Variants in RLIM observed in about 807,000 individuals in gnomAD.
The protein encoded by RLIM is E3 ubiquitin-protein ligase RLIM.
In RLIM, 2 loss-of-function variants were observed where a neutral mutation model predicts 34.0. The observed-to-expected ratio is 0.06, with a 90% CI of 0.02 to 0.19. RLIM has a LOEUF of 0.19. Ranked by LOEUF, RLIM falls within the 10% of genes least tolerant of loss-of-function variation. The pLI is 1.00. For synonymous variants in RLIM, 169 were observed against 164.0 expected (o/e 1.03, Z -0.23); for missense variants, 286 against 479.7 (o/e 0.60, Z 3.77).
intron 3 of RLIM, 67 bp from the exon 4 acceptor site, chrX:74,593,128 T>C: frequency 9.3e-6 from 10 of 1,070,038 alleles, no homozygotes; most frequent in South Asian, 5.1e-5. Flanking sequence ...ATCATATAAG[T>C]GCTCTGAAAC....
Position 74,592,337 on chromosome X carries a change from T to C in RLIM, c.978A>G (p.Arg326=), listed in dbSNP as rs2079619774. The C allele has an allele frequency of 8.3e-7, 1 of 1,211,735 alleles. No individual in the cohort carries two copies. The highest frequency in any genetic ancestry group is 1.1e-6 in the Non-Finnish European group (1 of 895,548). The change falls in exon 4 of 4, where the codon AGA becomes AGG. Residue 326 remains arginine, a synonymous_variant. Transcript: ENST00000332687. ...GCCGATATTCTCCAGGACGAACTCT[T>C]CTTACTTGAAGATCAAGGACTATGG... ...PPTIVLDLQV[R]RVRPGEYRQR... is the part of the protein sequence containing the mutation.
chrX:74,610,340 C>T (rs1487678250), intron 1 of RLIM, among the ~76,000 whole-genome samples: 2 of 109,910 alleles, frequency 1.8e-5, no homozygotes, highest in African/African-American at 6.6e-5. Context: ...CCGCTTGAAC[C>T]CAGGAGGCGG....
intron 1 of RLIM, among the ~76,000 whole-genome samples, chrX:74,614,040 A>G (rs1341919383): frequency 9.1e-6 from 1 of 109,637 alleles, no homozygotes. Flanking sequence ...CGGGGAGGTC[A>G]GGGAAGCCTC....
In RLIM at chrX:74,586,036, C is replaced by T. The variant is rs186235851; in HGVS notation, c.*5404G>A. ...TTGCTGCCCTGTTCTTTGTATGAAT[C>T]CAAGTAAACAACTATACCAAAGCAG... On this transcript the variant is annotated 3_prime_UTR_variant, in exon 4 of 4. Transcript: ENST00000332687. 94 of 111,735 alleles carry T rather than the reference C, an allele frequency of 8.4e-4. 1 individual carries two copies. Among genetic ancestry groups the T allele is most frequent in the African/African-American group, 2.5e-3 (77 of 30,716 alleles). The allele number at this position is 111,735 out of a possible 1,213,427, so 9.2% of individuals were successfully genotyped here. A position where few individuals can be genotyped will look rare whatever the true frequency, so the allele number is the denominator to read the frequency against.
Position 74,592,092 on chromosome X carries a change from T to G in RLIM, c.1223A>C (p.Gln408Pro). 8.3e-7 allele frequency: 1 copy of G among 1,211,973 alleles called. No individual in the cohort carries two copies. Among genetic ancestry groups the G allele is most frequent in the Non-Finnish European group, 1.1e-6 (1 of 895,529 alleles). ...TAACTCACCAAAACCTGTCATTATC[T>G]GCCTTAACATGGTCTGAATTGCAAC... ...TSVAIQTMLR[Q>P]IMTGFGELSY... The change falls in exon 4 of 4, where the codon CAG becomes CCG. Residue 408 changes from glutamine to proline, a missense_variant. Around this residue, in one of 6 missense-constraint regions of RLIM, gnomAD observed 12 missense variants for 45.2 expected, o/e 0.27. Transcript: ENST00000332687.
intron 1 of RLIM, among the ~76,000 whole-genome samples, chrX:74,600,850 TA>T (rs1242204233): frequency 0.015 from 1,055 of 71,204 alleles, 18 homozygotes; most frequent in African/African-American, 0.046. Flanking sequence ...CATCTCTACT[TA>T]AAAAAAAAAA....
chrX:74,608,747 C>T (rs961179340), intron 1 of RLIM, among the ~76,000 whole-genome samples: 3 of 112,215 alleles, frequency 2.7e-5, no homozygotes, highest in African/African-American at 9.7e-5. Flanking sequence ...TACTAAAACG[C>T]TCTAAAACAG....
Position 74,592,401 on chromosome X carries a change from G to A in RLIM, c.914C>T (p.Ala305Val), listed in dbSNP as rs752329333. 2 of 1,211,498 alleles carry A rather than the reference G, an allele frequency of 1.7e-6. No individual in the cohort carries two copies. The highest frequency in any genetic ancestry group is 3.5e-5 in the South Asian group (2 of 56,952). ...TCCTGATCCTGTAGATTCACCACTG[G>A]CAGCTGTGTCTGAAGAACCTGCTCC... ...SQGAGSSDTA[A>V]SGESTGSGQR... The change falls in exon 4 of 4, where the codon GCC becomes GTC. Residue 305 changes from alanine (A) to valine (V), a missense_variant. Around this residue, in one of 6 missense-constraint regions of RLIM, gnomAD observed 121 missense variants for 182.4 expected, o/e 0.66. Coordinates refer to ENST00000332687, the MANE Select transcript of RLIM (RefSeq NM_016120.4).
At chrX:74,602,768 G>C (rs7892560) in intron 1 of RLIM, among the ~76,000 whole-genome samples, 6,450 of 110,345 alleles carry the variant, frequency 0.058, 275 homozygotes, top group African/African-American at 0.15. Flanking sequence ...TGAAACACGA[G>C]TGAGAAGCCT....
chrX:74,600,258 T>C (rs1307250102), intron 1 of RLIM, among the ~76,000 whole-genome samples: 2 of 108,412 alleles, frequency 1.8e-5, no homozygotes, highest in African/African-American at 6.7e-5. Context: ...CCAGCTTAAA[T>C]AAAACACGCA....
intron 1 of RLIM, among the ~76,000 whole-genome samples, chrX:74,613,662 G>C (rs2079722305): frequency 9.4e-6 from 1 of 106,701 alleles, no homozygotes; most frequent in African/African-American, 3.4e-5. Context: ...TTTAATGGGG[G>C]AGGGATTGAG....
Position 74,590,207 on chromosome X carries a change from T to G in RLIM, c.*1233A>C, listed in dbSNP as rs1287478148. 1 of 111,967 alleles carries G rather than the reference T, an allele frequency of 8.9e-6. No homozygotes were observed. The allele number at this position is 111,967 out of a possible 1,213,427, so 9.2% of individuals were successfully genotyped here. On this transcript the variant is annotated 3_prime_UTR_variant, in exon 4 of 4. Transcript: ENST00000332687. ...GGTTTTATAGTCTCTTTCCTCCATT[T>G]TTTCATTTTTGAGGAGCAGACTTGT...
chrX:74,609,487 C>CAGA (rs2079697708), intron 1 of RLIM, among the ~76,000 whole-genome samples: 1 of 32,801 alleles, frequency 3.0e-5, no homozygotes, highest in Non-Finnish European at 6.0e-5. Context: ...GACTCCGTTT[C>CAGA]AAAAAAAAAA....
rs1354721936 is a variant in RLIM at position 74,587,035 on chromosome X, G to A, written c.*4405C>T. On this transcript the variant is annotated 3_prime_UTR_variant, in exon 4 of 4. Transcript: ENST00000332687. ...CAGGAAGTCAAGGCTGCAGTGAGCT[G>A]TGACCATGCCACTGCACTCCAGCCT... 1 of 111,751 alleles carries A rather than the reference G, an allele frequency of 8.9e-6. No individual in the cohort carries two copies. The highest frequency in any genetic ancestry group is 2.8e-4 in the East Asian group (1 of 3,559). The allele number at this position is 111,751 out of a possible 1,213,427, so 9.2% of individuals were successfully genotyped here. A position where few individuals can be genotyped will look rare whatever the true frequency, so the allele number is the denominator to read the frequency against.
intron 1 of RLIM, among the ~76,000 whole-genome samples, chrX:74,612,358 T>C (rs185698369): frequency 9.9e-5 from 11 of 111,530 alleles, no homozygotes; most frequent in Non-Finnish European, 1.9e-4. Flanking sequence ...TTTTAAAGAG[T>C]CAAATTCACA....
Position 74,594,366 on chromosome X carries a change from G to C in RLIM, c.193C>G (p.Leu65Val). ...TCTTTAATTTGCTGTAGTCGTCTCA[G>C]CAACTCTTCCTCAGTACTTTCACCT... ...TPGESTEEELLRRLQQIKEGP... is the reference protein window; with the variant it reads ...TPGESTEEELVRRLQQIKEGP... Residue 65 changes from leucine (L) to valine (V), a missense_variant, in exon 3 of 4, where the codon CTG becomes GTG. Around this residue, in one of 6 missense-constraint regions of RLIM, gnomAD observed 62 missense variants for 71.3 expected, o/e 0.87. Transcript: ENST00000332687. 8.3e-7 allele frequency: 1 copy of C among 1,205,577 alleles called. No homozygotes were observed. The highest frequency in any genetic ancestry group is 1.1e-6 in the Non-Finnish European group (1 of 892,329).
chrX:74,602,561 G>A (rs948030622), intron 1 of RLIM, among the ~76,000 whole-genome samples: 4 of 110,887 alleles, frequency 3.6e-5, no homozygotes, highest in East Asian at 2.8e-4. Context: ...GCAAAACCCC[G>A]TCTCTACTAA....
intron 3 of RLIM, among the ~76,000 whole-genome samples, chrX:74,594,036 T>C (rs1276480509): frequency 8.9e-6 from 1 of 111,830 alleles, no homozygotes; most frequent in East Asian, 2.8e-4. Flanking sequence ...TAAATTTCAA[T>C]GGAGGTGAAA....
rs757208197 is a variant in RLIM at position 74,588,953 on chromosome X, T to C, written c.*2487A>G. ...CACTAAAACACTTGTATTCATTCTA[T>C]ACAATCGAATGGAAATCCGTGAGTG... On this transcript the variant is annotated 3_prime_UTR_variant, in exon 4 of 4. Coordinates refer to ENST00000332687, the MANE Select transcript of RLIM (RefSeq NM_016120.4). 2.1e-4 allele frequency: 24 copies of C among 112,334 alleles called. No individual in the cohort carries two copies. The highest frequency in any genetic ancestry group is 7.4e-4 in the African/African-American group (23 of 30,962). The allele number at this position is 112,334 out of a possible 1,213,427, so 9.3% of individuals were successfully genotyped here. A position where few individuals can be genotyped will look rare whatever the true frequency, so the allele number is the denominator to read the frequency against.
Sources: allele counts gnomAD v4.1 joint callset (sites outside exome capture counted in the v4.1 genomes callset), GRCh38; gene constraint gnomAD v4.1.1; regional missense constraint gnomAD v4.1.1; transcripts MANE v1.5; gene names NCBI Gene and HGNC (gene_info 2026-07-23, HGNC 2026-07-21).